The following STARD13 variants were observed in gnomAD, a reference collection of about 807,000 sequenced individuals.
STARD13 encodes the protein stAR-related lipid transfer protein 13.
Under a neutral mutation model 106.4 loss-of-function variants are expected in STARD13, and 62 were observed. The observed-to-expected ratio is 0.58, with a 90% CI of 0.48 to 0.72. STARD13 has a LOEUF of 0.72. STARD13 is among the 30% of genes least tolerant of loss of function. The probability of loss-of-function intolerance (pLI) is 0.00; values close to 1 mark genes in which losing one functional copy is unlikely to be tolerated. For missense variants in STARD13, 1,387 were observed against 1,424.0 expected (o/e 0.97, Z 0.42); for synonymous variants, 565 against 553.0 (o/e 1.02, Z -0.31).
chr13:33,541,200 A>G, the STARD13 span, among the ~76,000 whole-genome samples: 2 of 152,182 alleles, frequency 1.3e-5, no homozygotes, highest in Admixed American at 1.3e-4. Context: ...ACTAAATGGG[A>G]TATAGCCAAA....
the STARD13 span, among the ~76,000 whole-genome samples, chr13:33,517,639 G>A: frequency 1.3e-5 from 2 of 152,102 alleles, no homozygotes; most frequent in Non-Finnish European, 2.9e-5. Context: ...TAAAAGGGAT[G>A]GCCAAACTGA....
At chr13:33,504,402 A>C in the STARD13 span, among the ~76,000 whole-genome samples, 1 of 152,158 alleles carries the variant, frequency 6.6e-6, no homozygotes, top group Non-Finnish European at 1.5e-5. Flanking sequence ...TGGCACATAT[A>C]CACCATGGAA....
At chr13:33,656,612 A>G in the STARD13 span, among the ~76,000 whole-genome samples, 11 of 152,348 alleles carry the variant, frequency 7.2e-5, no homozygotes, top group South Asian at 2.1e-3. Flanking sequence ...AATTTGCCGG[A>G]GAATCTTAAA....
chr13:33,178,434 G>A (rs1461147982), intron 1 of STARD13, among the ~76,000 whole-genome samples: 15 of 152,142 alleles, frequency 9.9e-5, no homozygotes, highest in Admixed American at 9.2e-4. Context: ...GTATTTCAGG[G>A]ACTACTTCTG....
Position 33,130,355 on chromosome 13 carries a change from C to CT in STARD13, c.388-67dup. 1.3e-6 allele frequency: 2 copies of CT among 1,516,264 alleles called. No individual in the cohort carries two copies. Among genetic ancestry groups the CT allele is most frequent in the Non-Finnish European group, 1.8e-6 (2 of 1,123,456 alleles). 93.9% of individuals were successfully genotyped at this position (1,516,264 alleles called of 1,614,324 possible). ...GGCTGAAGCAGGAACTCTGGGTGCT[C>CT]TGAGGGCAGCCCTGTGTGGTCCTCC... On this transcript the variant is annotated intron_variant, in intron 4 of 13. Coordinates refer to ENST00000336934, the MANE Select transcript of STARD13 (RefSeq NM_178006.4). The surrounding 1 kb of genome is among the most constrained non-coding windows in gnomAD (Gnocchi z 4.1).
the STARD13 span, among the ~76,000 whole-genome samples, chr13:33,481,970 G>A: frequency 2.0e-5 from 3 of 146,702 alleles, no homozygotes; most frequent in Non-Finnish European, 3.0e-5. Context: ...GCTACAGAGC[G>A]AGACTCCGTC....
At chr13:33,303,143 G>A (rs932944076) in intron 1 of STARD13, among the ~76,000 whole-genome samples, 1 of 152,128 alleles carries the variant, frequency 6.6e-6, no homozygotes, top group African/African-American at 2.4e-5. Context: ...GGCCCCTCAT[G>A]TGTACGCCAC....
intron 1 of STARD13, among the ~76,000 whole-genome samples, chr13:33,246,671 CAAATA>C (rs1757782406): frequency 6.6e-6 from 1 of 151,428 alleles, no homozygotes; most frequent in South Asian, 2.1e-4. Context: ...GGTTATTAGA[CAAATA>C]AAATAATAAA....
In STARD13 at chr13:33,269,426, C is replaced by T. The variant is rs78512338; in HGVS notation, c.169+16044G>A. On this transcript the variant is annotated intron_variant, in intron 1 of 13. Transcript: ENST00000336934. ...GGCATCCCTCATCAGATAATGTGGGCGGTGTGACATTGGGGTCCTTAAGTC... is the reference window on the plus strand; with the variant it reads ...GGCATCCCTCATCAGATAATGTGGGTGGTGTGACATTGGGGTCCTTAAGTC... 3.9e-4 allele frequency among the ~76,000 whole-genome samples: 60 copies of T among 152,266 alleles called. No individual in the cohort carries two copies. In the East Asian group the frequency reaches 6.6e-3, roughly 17 times the overall value.
At chr13:33,345,461 G>C (rs1160620663), downstream of STARD13, among the ~76,000 whole-genome samples, 1 of 152,190 alleles carries the variant, frequency 6.6e-6, no homozygotes, top group African/African-American at 2.4e-5. Context: ...AATAGGCACA[G>C]ATGGCTTTTG....
intron 1 of STARD13, among the ~76,000 whole-genome samples, chr13:33,254,297 A>G (rs369333265): frequency 2.0e-5 from 3 of 152,202 alleles, no homozygotes; most frequent in Admixed American, 6.5e-5. Context: ...TAGGCTTAAC[A>G]GTGTTGGAGA....
At chr13:33,623,081 G>C in the STARD13 span, among the ~76,000 whole-genome samples, 1 of 152,144 alleles carries the variant, frequency 6.6e-6, no homozygotes, top group Non-Finnish European at 1.5e-5. Flanking sequence ...GTAGGCAGCA[G>C]AGGGAGACTC....
At chr13:33,538,170 T>G in the STARD13 span, among the ~76,000 whole-genome samples, 1 of 152,158 alleles carries the variant, frequency 6.6e-6, no homozygotes, top group Non-Finnish European at 1.5e-5. Context: ...TAGGGAAATC[T>G]GAGTAAAATA....
the STARD13 span, among the ~76,000 whole-genome samples, chr13:33,551,339 T>C: frequency 9.2e-5 from 14 of 152,324 alleles, no homozygotes; most frequent in East Asian, 2.3e-3. Context: ...ATCCATCATA[T>C]GAGGTCAGGT....
At chr13:33,123,858 C>G (rs1251240523) in intron 7 of STARD13, among the ~76,000 whole-genome samples, 1 of 152,202 alleles carries the variant, frequency 6.6e-6, no homozygotes, top group Admixed American at 6.5e-5. Context: ...AGCCTTCTCC[C>G]TGAGACTCGG....
At chr13:33,467,767 A>G in the STARD13 span, among the ~76,000 whole-genome samples, 1 of 152,150 alleles carries the variant, frequency 6.6e-6, no homozygotes, top group Non-Finnish European at 1.5e-5. Flanking sequence ...TCATGATGTC[A>G]TTATTATCTC....
intron 1 of STARD13, among the ~76,000 whole-genome samples, chr13:33,293,985 A>G (rs1165225469): frequency 1.3e-5 from 2 of 152,150 alleles, no homozygotes; most frequent in Non-Finnish European, 2.9e-5. Flanking sequence ...AACCCTGACT[A>G]ATGCAAAGAC....
At chr13:33,481,283 A>G in the STARD13 span, among the ~76,000 whole-genome samples, 1 of 152,192 alleles carries the variant, frequency 6.6e-6, no homozygotes, top group East Asian at 1.9e-4. Flanking sequence ...AATTCTGTAT[A>G]TTACCATTTG....
intron 1 of STARD13, chr13:33,336,200 T>C (rs1254495671): frequency 6.6e-6 from 1 of 152,258 alleles, no homozygotes; most frequent in East Asian, 1.9e-4. Context: ...CTTAAATTTC[T>C]GAATACTAAT....
Sources: allele counts gnomAD v4.1 joint callset (sites outside exome capture counted in the v4.1 genomes callset), GRCh38; gene constraint gnomAD v4.1.1; non-coding constraint Gnocchi (gnomAD v3.1); transcripts MANE v1.5; gene names NCBI Gene and HGNC (gene_info 2026-07-23, HGNC 2026-07-21).